KCNN2: variants seen among roughly 807,000 people sequenced by gnomAD.
KCNN2 encodes the protein potassium calcium-activated channel subfamily N member 2.
Under a neutral mutation model 55.5 loss-of-function variants are expected in KCNN2, and 24 were observed. The observed-to-expected ratio is 0.43, with a 90% CI of 0.31 to 0.61. KCNN2 has a LOEUF of 0.61. KCNN2 is among the 20% of genes least tolerant of loss of function. The probability of loss-of-function intolerance (pLI) is 0.08; values close to 1 mark genes in which losing one functional copy is unlikely to be tolerated. For synonymous variants in KCNN2, 431 were observed against 336.1 expected, an observed-to-expected ratio of 1.28 and a Z score of -3.09; for missense variants, 754 against 853.6, an observed-to-expected ratio of 0.88 and a Z score of 1.45.
intron 1 of KCNN2, among the ~76,000 whole-genome samples, chr5:114,113,329 G>T (rs1751640658): frequency 6.6e-6 from 1 of 151,862 alleles, no homozygotes; most frequent in Non-Finnish European, 1.5e-5. Flanking sequence ...CATGAAGTCA[G>T]ATCTCGGTCT....
At chr5:114,357,952 C>A (rs1367213886), upstream of KCNN2, among the ~76,000 whole-genome samples, 2 of 150,566 alleles carry the variant, frequency 1.3e-5, no homozygotes, top group Non-Finnish European at 1.5e-5. Context: ...CACATCCTCT[C>A]CAGCACCTGT....
At chr5:114,229,466 A>G (rs1367661259) in intron 2 of KCNN2, among the ~76,000 whole-genome samples, 1 of 151,970 alleles carries the variant, frequency 6.6e-6, no homozygotes, top group Non-Finnish European at 1.5e-5. Flanking sequence ...TTTTTCATAC[A>G]TAAGTTCCTG....
chr5:114,413,434 G>A (rs1561615802), intron 3 of KCNN2, among the ~76,000 whole-genome samples: 1 of 152,124 alleles, frequency 6.6e-6, no homozygotes, highest in East Asian at 1.9e-4. Context: ...ACAGGTGCCC[G>A]CCACCATGCC....
intron 3 of KCNN2, among the ~76,000 whole-genome samples, chr5:114,450,183 T>A (rs1760611568): frequency 6.6e-6 from 1 of 152,176 alleles, no homozygotes; most frequent in Admixed American, 6.5e-5. Flanking sequence ...AAAAATAGAG[T>A]CTGCCAGGCC....
At chr5:114,206,209 G>A (rs1481713995) in intron 1 of KCNN2, among the ~76,000 whole-genome samples, 1 of 152,104 alleles carries the variant, frequency 6.6e-6, no homozygotes, top group Non-Finnish European at 1.5e-5. Context: ...ATATTTGCTA[G>A]CCTGGCTAAC....
intron 1 of KCNN2, among the ~76,000 whole-genome samples, chr5:114,110,615 G>T (rs1459818645): frequency 2.0e-5 from 3 of 151,994 alleles, no homozygotes; most frequent in African/African-American, 7.2e-5. Flanking sequence ...TTCTCTTTTG[G>T]ACACACCATC....
chr5:114,099,213 T>C (rs552178409), intron 1 of KCNN2, among the ~76,000 whole-genome samples: 45 of 152,120 alleles, frequency 3.0e-4, no homozygotes, highest in African/African-American at 1.1e-3. Context: ...CCAGTCCAAT[T>C]TGGGGCCAGT....
At chr5:114,427,757 G>A (rs1056817348) in intron 3 of KCNN2, among the ~76,000 whole-genome samples, 1 of 152,202 alleles carries the variant, frequency 6.6e-6, no homozygotes, top group Non-Finnish European at 1.5e-5. Context: ...TATTAATAAG[G>A]TGGGGAATAA....
At chr5:114,080,923 T>G (rs1332354058) in intron 1 of KCNN2, among the ~76,000 whole-genome samples, 3 of 152,126 alleles carry the variant, frequency 2.0e-5, no homozygotes, top group Admixed American at 1.3e-4. Context: ...ATCTTATACT[T>G]AGAAAACCCT....
At chr5:114,423,879 C>T (rs1178390429) in intron 3 of KCNN2, among the ~76,000 whole-genome samples, 1 of 152,010 alleles carries the variant, frequency 6.6e-6, no homozygotes, top group African/African-American at 2.4e-5. Context: ...GCAGGATATC[C>T]CAGACAGAAG....
chr5:114,173,440 GT>G (rs1753079174), intron 1 of KCNN2, among the ~76,000 whole-genome samples: 2 of 16,062 alleles, frequency 1.2e-4, no homozygotes, highest in Non-Finnish European at 2.2e-4. Context: ...TGTTTTGTTT[GT>G]GTGTGTGTGT....
At chr5:114,239,230 A>T (rs952641383) in intron 2 of KCNN2, among the ~76,000 whole-genome samples, 3 of 152,178 alleles carry the variant, frequency 2.0e-5, no homozygotes, top group Non-Finnish European at 4.4e-5. Context: ...AGAAGCAAAG[A>T]TAAAATTATA....
intron 2 of KCNN2, among the ~76,000 whole-genome samples, chr5:114,326,529 G>A (rs1377945720): frequency 6.6e-6 from 1 of 152,162 alleles, no homozygotes; most frequent in Admixed American, 6.5e-5. Flanking sequence ...GTGGGTCCAT[G>A]TTCAAAGGTG....
chr5:114,188,365 G>C (rs1316249892), intron 1 of KCNN2, among the ~76,000 whole-genome samples: 1 of 152,066 alleles, frequency 6.6e-6, no homozygotes, highest in Non-Finnish European at 1.5e-5. Flanking sequence ...ATAGTTCCAA[G>C]GGCAGTGAAG....
chr5:114,252,080 G>A (rs1045535820), intron 2 of KCNN2, among the ~76,000 whole-genome samples: 1 of 151,556 alleles, frequency 6.6e-6, no homozygotes, highest in African/African-American at 2.4e-5. Context: ...GTTTCACCAT[G>A]TTGGCCAGGC....
chr5:114,375,650 T>C (rs892433290), intron 2 of KCNN2, among the ~76,000 whole-genome samples: 3 of 152,036 alleles, frequency 2.0e-5, no homozygotes, highest in African/African-American at 4.8e-5. Flanking sequence ...TTAATACTGT[T>C]GTTGAAAAAT....
chr5:114,186,615 T>G (rs1048469955), intron 1 of KCNN2, among the ~76,000 whole-genome samples: 1 of 152,326 alleles, frequency 6.6e-6, no homozygotes, highest in Non-Finnish European at 1.5e-5. Context: ...ATAAGGATAA[T>G]CATATTGGTC....
At chr5:114,359,941 A>ATT (rs1308115869), upstream of KCNN2, among the ~76,000 whole-genome samples, 2 of 152,192 alleles carry the variant, frequency 1.3e-5, no homozygotes, top group Admixed American at 6.5e-5. Flanking sequence ...TTTCCACACA[A>ATT]TTTATGCAGT....
At chr5:114,359,207 G>A (rs1580745135), upstream of KCNN2, among the ~76,000 whole-genome samples, 1 of 152,102 alleles carries the variant, frequency 6.6e-6, no homozygotes, top group Non-Finnish European at 1.5e-5. Flanking sequence ...AGTGCTAGCC[G>A]GAAGTAGTAT....
Sources: gnomAD v4.1 joint callset for allele counts (sites outside exome capture counted in the v4.1 genomes callset) on GRCh38, gnomAD v4.1.1 for gene constraint, MANE v1.5 for transcripts, NCBI Gene and HGNC (gene_info 2026-07-23, HGNC 2026-07-21) for gene names.